VMA21: variants seen among roughly 807,000 people sequenced by gnomAD.
VMA21 encodes vacuolar ATPase assembly factor VMA21.
For missense variants in VMA21, 61 were observed against 80.6 expected (o/e 0.76, Z 0.93); for synonymous variants, 47 against 34.1 (o/e 1.38, Z -1.32).
In VMA21 at chrX:151,407,845, A is replaced by G. The variant is rs1298381542; in HGVS notation, c.*2787A>G. 8.9e-6 allele frequency: 1 copy of G among 111,861 alleles called. No homozygotes were observed. The highest frequency in any genetic ancestry group is 1.9e-5 in the Non-Finnish European group (1 of 53,140). The allele number at this position is 111,861 out of a possible 1,213,427, so 9.2% of individuals were successfully genotyped here. On this transcript the variant is annotated 3_prime_UTR_variant, in exon 3 of 3. Coordinates refer to ENST00000330374, the MANE Select transcript of VMA21 (RefSeq NM_001017980.4). ...TTAAAAATCCCCATGTTTCATGGAAATCTAACAGAAATACATTGTAATAAT... is the reference window on the plus strand; with the variant it reads ...TTAAAAATCCCCATGTTTCATGGAAGTCTAACAGAAATACATTGTAATAAT...
At chrX:151,402,744 G>A (rs1466578080) in intron 1 of VMA21, among the ~76,000 whole-genome samples, 1 of 112,963 alleles carries the variant, frequency 8.9e-6, no homozygotes, top group Non-Finnish European at 1.9e-5. Flanking sequence ...TGGTGCTGGT[G>A]GTCAGGGTTG....
At chrX:151,404,185 T>C (rs1173743480) in intron 2 of VMA21, among the ~76,000 whole-genome samples, 1 of 109,362 alleles carries the variant, frequency 9.1e-6, no homozygotes, top group Non-Finnish European at 1.9e-5. Context: ...GCGATTCTCC[T>C]GTCTCAGCCT....
upstream of VMA21, chrX:151,397,128 G>T: frequency 2.8e-6 from 1 of 360,447 alleles, no homozygotes; most frequent in Non-Finnish European, 4.4e-6. Context: ...GCGCCGCGCC[G>T]CGCCTGCGTA....
At position 151,401,724 on chromosome X, in the gene VMA21, C is replaced by T. The variant is rs1047683053; in HGVS notation, c.54-1907C>T. Reference sequence around the variant, plus strand: ...TATACTTTTCAGTGTACAAGTCACTCATCGCCTTGGTTAAATTTATTCCTA... The same window carrying T: ...TATACTTTTCAGTGTACAAGTCACTTATCGCCTTGGTTAAATTTATTCCTA... On this transcript the variant is annotated intron_variant, in intron 1 of 2. Coordinates refer to ENST00000330374, the MANE Select transcript of VMA21 (RefSeq NM_001017980.4). Among the ~76,000 whole-genome samples the T allele has an allele frequency of 2.7e-5, 3 of 111,675 alleles. No homozygotes were observed. The Admixed American group carries it at 2.9e-4, about 11-fold the overall frequency.
Position 151,403,706 on chromosome X carries a change from G to C in VMA21, c.129G>C (p.Gly43=), listed in dbSNP as rs780227039. 2.0e-5 allele frequency: 24 copies of C among 1,207,255 alleles called. No homozygotes were observed. Among genetic ancestry groups the C allele is most frequent in the Non-Finnish European group, 2.0e-5 (18 of 891,513 alleles). ...FTALMITVPI[G]LYFTTKSYIF... ...CTTTAATGATCACTGTTCCTATTGG[G>C]TTATATTTCACAACTAAATCTTACA... The change falls in exon 2 of 3, where the codon GGG becomes GGC. Residue 43 remains glycine (G), a synonymous_variant. Coordinates refer to ENST00000330374, the MANE Select transcript of VMA21 (RefSeq NM_001017980.4).
At position 151,406,175 on chromosome X, in the gene VMA21, C is replaced by T. The variant is rs2011289913; in HGVS notation, c.*1117C>T. ...TCAAACAGGAAAAAAAATCAAAATT[C>T]CCCATAATGTTGCCATCTAAAAATA... On this transcript the variant is annotated 3_prime_UTR_variant, in exon 3 of 3. Transcript: ENST00000330374. 1 of 110,961 alleles carries T rather than the reference C, an allele frequency of 9.0e-6. No individual in the cohort carries two copies. The highest frequency in any genetic ancestry group is 1.9e-5 in the Non-Finnish European group (1 of 53,030). 9.1% of individuals were successfully genotyped at this position (110,961 alleles called of 1,213,427 possible).
chrX:151,405,423 A>AT lies in VMA21; in HGVS notation c.*367dup, dbSNP rs2011280536. ...TATTAAGATGCACACAGTGAAGCAAATTAAACTCCACTTTACGCTGGAATG... is the reference window on the plus strand; with the variant it reads ...TATTAAGATGCACACAGTGAAGCAAATTTAAACTCCACTTTACGCTGGAATG... On this transcript the variant is annotated 3_prime_UTR_variant, in exon 3 of 3. Coordinates refer to ENST00000330374, the MANE Select transcript of VMA21 (RefSeq NM_001017980.4). The AT allele has an allele frequency of 7.8e-6, 1 of 128,720 alleles. No individual in the cohort carries two copies. Among genetic ancestry groups the AT allele is most frequent in the African/African-American group, 3.2e-5 (1 of 31,211 alleles). 10.6% of individuals were successfully genotyped at this position (128,720 alleles called of 1,213,427 possible). A position where few individuals can be genotyped will look rare whatever the true frequency, so the allele number is the denominator to read the frequency against.
chrX:151,397,940 C>T lies in VMA21; in HGVS notation c.53+579C>T, dbSNP rs181832329. Among the ~76,000 whole-genome samples, 56 of 111,489 alleles carry T rather than the reference C, an allele frequency of 5.0e-4. 1 individual carries two copies. The highest frequency in any genetic ancestry group is 1.8e-3 in the African/African-American group (56 of 30,635). The stretch of plus-strand genomic sequence containing the variant: ...TCGTTAAGACCTACTGTATGCCAGG[C>T]TCAGTGCACGTGCTTTACATACATT... On this transcript the variant is annotated intron_variant, in intron 1 of 2. Transcript: ENST00000330374.
intron 1 of VMA21, among the ~76,000 whole-genome samples, chrX:151,402,163 T>G (rs959086050): frequency 8.9e-6 from 1 of 111,854 alleles, no homozygotes; most frequent in African/African-American, 3.3e-5. Flanking sequence ...TGATCCTACT[T>G]GGTCATAATA....
rs753508417 is a variant in VMA21, at chrX:151,404,897, GT to G, written c.164-11del. The G allele has an allele frequency of 8.4e-7, 1 of 1,197,542 alleles. No individual in the cohort carries two copies. The highest frequency in any genetic ancestry group is 1.1e-6 in the Non-Finnish European group (1 of 889,009). ...TAAATTTTGCAATAAAATGGAAACT[GT>G]TTTTTTTCTCTTGATAGGCGCCCTT... On this transcript the variant is annotated intron_variant, in intron 2 of 2. Coordinates refer to ENST00000330374, the MANE Select transcript of VMA21 (RefSeq NM_001017980.4).
chrX:151,398,184 T>G (rs1192046059), intron 1 of VMA21, among the ~76,000 whole-genome samples: 3 of 107,449 alleles, frequency 2.8e-5, no homozygotes, highest in East Asian at 2.9e-4. Context: ...ATTGTGAGTT[T>G]TTTTTTTTTT....
At chrX:151,402,048 AT>A (rs1021248179) in intron 1 of VMA21, among the ~76,000 whole-genome samples, 2 of 107,281 alleles carry the variant, frequency 1.9e-5, no homozygotes, top group African/African-American at 3.4e-5. Flanking sequence ...GCCCCTAAGT[AT>A]TTTTTTTTAA....
chrX:151,399,704 T>C (rs1040297835), intron 1 of VMA21, among the ~76,000 whole-genome samples: 3 of 111,684 alleles, frequency 2.7e-5, no homozygotes, highest in African/African-American at 9.8e-5. Flanking sequence ...AAATGAGAGT[T>C]GTATAGCTCA....
At chrX:151,404,575 C>A (rs954313083) in intron 2 of VMA21, among the ~76,000 whole-genome samples, 1 of 109,887 alleles carries the variant, frequency 9.1e-6, no homozygotes, top group Non-Finnish European at 1.9e-5. Context: ...CCTGCCACTA[C>A]GCCTGGCTAA....
intron 1 of VMA21, 51 bp downstream of exon 1, chrX:151,397,412 G>A: frequency 8.7e-7 from 1 of 1,144,522 alleles, no homozygotes; most frequent in Non-Finnish European, 1.2e-6. Context: ...CCAGCCTGGA[G>A]CAGGGCTTGA....
chrX:151,396,896 G>C, upstream of VMA21: 1 of 524,774 alleles, frequency 1.9e-6, no homozygotes, highest in South Asian at 2.5e-5. Context: ...ACGAGGACCA[G>C]TGTTCACGCG....
At chrX:151,397,643 T>C (rs928622260) in intron 1 of VMA21, among the ~76,000 whole-genome samples, 2 of 112,662 alleles carry the variant, frequency 1.8e-5, no homozygotes, top group Non-Finnish European at 1.9e-5. Context: ...TATATTGCAG[T>C]CTCTTTCATT....
chrX:151,397,314 G>A lies in VMA21; in HGVS notation c.6G>A (p.Glu2=). ...TGTGCCGGCACGGCTACACCATGGAGCGCCCGGATAAGGCGGCGCTGAACG... is the reference window on the plus strand; with the variant it reads ...TGTGCCGGCACGGCTACACCATGGAACGCCCGGATAAGGCGGCGCTGAACG... M[E]RPDKAALNAL... is the part of the protein sequence containing the mutation. Residue 2 remains glutamate, a synonymous_variant, in exon 1 of 3, where the codon GAG becomes GAA. Transcript: ENST00000330374. 8.6e-7 allele frequency: 1 copy of A among 1,161,824 alleles called. No homozygotes were observed. Among genetic ancestry groups the A allele is most frequent in the South Asian group, 1.9e-5 (1 of 52,717 alleles).
Position 151,404,926 on chromosome X carries a change from G to A in VMA21, c.174G>A (p.Gly58=). The A allele has an allele frequency of 1.7e-6, 2 of 1,210,056 alleles. No individual in the cohort carries two copies. Among genetic ancestry groups the A allele is most frequent in the Non-Finnish European group, 2.2e-6 (2 of 895,134 alleles). Residue 58 remains glycine, a synonymous_variant, in exon 3 of 3, where the codon GGG becomes GGA. Coordinates refer to ENST00000330374, the MANE Select transcript of VMA21 (RefSeq NM_001017980.4). ...TKSYIFEGAL[G]MSNRDSYFYA... ...TTTTTCTCTTGATAGGCGCCCTTGG[G>A]ATGTCCAATAGGGACAGCTATTTTT...
Sources: gnomAD v4.1 joint callset for allele counts (sites outside exome capture counted in the v4.1 genomes callset) on GRCh38, gnomAD v4.1.1 for gene constraint, MANE v1.5 for transcripts, NCBI Gene and HGNC (gene_info 2026-07-23, HGNC 2026-07-21) for gene names.